The following DISP1 variants were observed in gnomAD, a reference collection of about 807,000 sequenced individuals.
DISP1 encodes the protein dispatched RND transporter family member 1, also known as protein dispatched homolog 1.
Under a neutral mutation model 37.3 loss-of-function variants are expected in DISP1, and 30 were observed. The observed-to-expected ratio is 0.80, with a 90% CI of 0.60 to 1.09. DISP1 has a LOEUF of 1.09. Among genes scored for constraint, DISP1 ranks in the 50% least tolerant of loss-of-function variants. The pLI is 0.00. For missense variants in DISP1, 1,598 were observed against 1,879.5 expected (o/e 0.85, Z 2.77); for synonymous variants, 634 against 690.2 (o/e 0.92, Z 1.28).
intron 2 of DISP1, among the ~76,000 whole-genome samples, chr1:222,929,992 A>G (rs1673301236): frequency 6.6e-6 from 1 of 152,134 alleles, no homozygotes; most frequent in Admixed American, 6.5e-5. Context: ...TAATGTTTTA[A>G]GTGTCTGAAA....
chr1:222,834,236 A>G (rs1204916167), intron 1 of DISP1, among the ~76,000 whole-genome samples: 1 of 151,384 alleles, frequency 6.6e-6, no homozygotes, highest in African/African-American at 2.4e-5. Context: ...CTTCAAAAGA[A>G]AAAAAAAAGA....
At chr1:222,952,834 A>AG (rs1363950958) in intron 3 of DISP1, among the ~76,000 whole-genome samples, 3 of 152,082 alleles carry the variant, frequency 2.0e-5, no homozygotes, top group African/African-American at 4.8e-5. Context: ...CGACAGAGGG[A>AG]GACTGTCTAA....
At chr1:222,976,034 A>G (rs1677298681) in intron 3 of DISP1, among the ~76,000 whole-genome samples, 2 of 152,234 alleles carry the variant, frequency 1.3e-5, no homozygotes, top group East Asian at 3.9e-4. Context: ...TTCCCAGCAG[A>G]AAAAAACGCT....
At chr1:222,938,631 G>T (rs931691660) in intron 2 of DISP1, among the ~76,000 whole-genome samples, 1 of 151,462 alleles carries the variant, frequency 6.6e-6, no homozygotes, top group Admixed American at 6.6e-5. Context: ...TACATAGGAG[G>T]CTGAGGCAGG....
intron 2 of DISP1, among the ~76,000 whole-genome samples, chr1:222,931,495 CA>C (rs1673395034): frequency 1.3e-5 from 2 of 151,780 alleles, no homozygotes; most frequent in Admixed American, 1.3e-4. Context: ...TTAGTTGAGA[CA>C]AAATAGTTTC....
chr1:222,838,413 T>TG (rs1417890055), intron 1 of DISP1, among the ~76,000 whole-genome samples: 2 of 152,196 alleles, frequency 1.3e-5, no homozygotes, highest in Non-Finnish European at 2.9e-5. Flanking sequence ...TTCTAGTGTC[T>TG]GGGAGATTTT....
At chr1:222,950,761 A>G (rs983972433) in intron 3 of DISP1, among the ~76,000 whole-genome samples, 26 of 152,178 alleles carry the variant, frequency 1.7e-4, no homozygotes, top group African/African-American at 6.0e-4. Context: ...GTCACATTCC[A>G]CGTGTGCTGG....
chr1:222,960,265 AAC>A (rs1449832333), intron 3 of DISP1, among the ~76,000 whole-genome samples: 1 of 152,230 alleles, frequency 6.6e-6, no homozygotes, highest in Non-Finnish European at 1.5e-5. Flanking sequence ...CTGAAATTGT[AAC>A]AGTCTGTCAG....
chr1:222,832,510 T>G (rs1666009479), intron 1 of DISP1, among the ~76,000 whole-genome samples: 2 of 152,224 alleles, frequency 1.3e-5, no homozygotes, highest in Admixed American at 1.3e-4. Flanking sequence ...ACGTAGAAGT[T>G]TTTTAGTTGA....
At chr1:222,925,673 C>T (rs1345728638) in intron 1 of DISP1, among the ~76,000 whole-genome samples, 1 of 152,098 alleles carries the variant, frequency 6.6e-6, no homozygotes, top group Non-Finnish European at 1.5e-5. Flanking sequence ...TTCCTACCCT[C>T]TAGGAGCTCA....
intron 2 of DISP1, among the ~76,000 whole-genome samples, chr1:222,930,660 A>G (rs910018139): frequency 6.6e-6 from 1 of 152,152 alleles, no homozygotes; most frequent in South Asian, 2.1e-4. Flanking sequence ...TAAGCAAACA[A>G]GAATCCCACA....
At chr1:222,942,453 A>C (rs1401210215) in intron 2 of DISP1, among the ~76,000 whole-genome samples, 1 of 152,150 alleles carries the variant, frequency 6.6e-6, no homozygotes, top group African/African-American at 2.4e-5. Flanking sequence ...TGAAAAGCTA[A>C]AGGATGCTAT....
In DISP1 at chr1:222,936,700, AT is replaced by A. The variant is rs1359527806; in HGVS notation, c.-17-6106del. Reference sequence around the variant, plus strand: ...ATAATATATAAAATATATGATATATATCATATATATTATATATCATATATAT... The same window carrying A: ...ATAATATATAAAATATATGATATATACATATATATTATATATCATATATAT... On this transcript the variant is annotated intron_variant, in intron 2 of 8. Transcript: ENST00000675850. Among the ~76,000 whole-genome samples the A allele has an allele frequency of 1.0e-3, 111 of 109,624 alleles. 2 individuals carry two copies. Among genetic ancestry groups the A allele is most frequent in the African/African-American group, 3.8e-3 (108 of 28,116 alleles). 71.9% of individuals were successfully genotyped at this position (109,624 alleles called of 152,430 possible).
chr1:222,929,760 C>T (rs1022725790), intron 2 of DISP1, among the ~76,000 whole-genome samples: 5 of 151,998 alleles, frequency 3.3e-5, no homozygotes, highest in Admixed American at 3.3e-4. Flanking sequence ...TGCATTCTTT[C>T]ATGTATTTTT....
At chr1:222,882,560 G>A (rs1670340842) in intron 1 of DISP1, among the ~76,000 whole-genome samples, 1 of 152,120 alleles carries the variant, frequency 6.6e-6, no homozygotes, top group Non-Finnish European at 1.5e-5. Flanking sequence ...TTAATTTAAA[G>A]GGACATTTTT....
chr1:222,912,629 T>G (rs1281549875), intron 1 of DISP1, among the ~76,000 whole-genome samples: 1 of 152,226 alleles, frequency 6.6e-6, no homozygotes, highest in African/African-American at 2.4e-5. Flanking sequence ...TATTTCTGTT[T>G]GCCTTGGTTT....
chr1:222,969,420 A>AT (rs1221313307), intron 3 of DISP1, among the ~76,000 whole-genome samples: 1 of 149,296 alleles, frequency 6.7e-6, no homozygotes, highest in African/African-American at 2.5e-5. Flanking sequence ...TTGAAAAAAA[A>AT]TTTAATGCCT....
rs1317469235 is a variant in DISP1 at position 222,871,059 on chromosome 1, A to G, written c.-159+55981A>G. Reference sequence around the variant, plus strand: ...TTATTAAATAGGGAATCCTTTCCCCATTGCTTGTTTTTGTCAGGTTTGTCA... The same window carrying G: ...TTATTAAATAGGGAATCCTTTCCCCGTTGCTTGTTTTTGTCAGGTTTGTCA... On this transcript the variant is annotated intron_variant, in intron 1 of 8. Transcript: ENST00000675850. Among the ~76,000 whole-genome samples, 24 of 152,280 alleles carry G rather than the reference A, an allele frequency of 1.6e-4. No individual in the cohort carries two copies. In the South Asian group the frequency reaches 5.0e-3, roughly 32 times the overall value.
At chr1:222,980,020 TAGGCATGGA>T (rs1275038436) in intron 3 of DISP1, among the ~76,000 whole-genome samples, 1 of 152,208 alleles carries the variant, frequency 6.6e-6, no homozygotes, top group Non-Finnish European at 1.5e-5. Context: ...ACTGCTGAAT[TAGGCATGGA>T]AGAGAAAATT....
Sources: gnomAD v4.1 joint callset for allele counts (sites outside exome capture counted in the v4.1 genomes callset) on GRCh38, gnomAD v4.1.1 for gene constraint, MANE v1.5 for transcripts, NCBI Gene and HGNC (gene_info 2026-07-23, HGNC 2026-07-21) for gene names.